The following TFPI variants were observed in gnomAD, a reference collection of about 807,000 sequenced individuals.
The protein encoded by TFPI is tissue factor pathway inhibitor.
TFPI carries 15 observed loss-of-function variants against 34.6 expected under a neutral mutation model. That is an observed-to-expected ratio of 0.43 (90% CI 0.29 to 0.67). The LOEUF is 0.67. TFPI is among the 30% of genes least tolerant of loss of function. The probability of loss-of-function intolerance (pLI) is 0.15; values close to 1 mark genes in which losing one functional copy is unlikely to be tolerated. For synonymous variants in TFPI, 105 were observed against 120.1 expected, an observed-to-expected ratio of 0.87 and a Z score of 0.82; for missense variants, 301 against 364.0, an observed-to-expected ratio of 0.83 and a Z score of 1.41.
chr2:187,510,627 A>G (rs754695306), intron 1 of TFPI, among the ~76,000 whole-genome samples: 8 of 152,162 alleles, frequency 5.3e-5, no homozygotes, highest in Non-Finnish European at 7.3e-5. Flanking sequence ...GTAGTTAAAG[A>G]TCGACCCCTG....
chr2:187,537,841 T>C (rs192293855), intron 1 of TFPI, among the ~76,000 whole-genome samples: 2 of 152,318 alleles, frequency 1.3e-5, no homozygotes, highest in East Asian at 3.9e-4. Context: ...TCTATCCATC[T>C]GACAAAGGGC....
intron 1 of TFPI, among the ~76,000 whole-genome samples, chr2:187,551,909 A>T (rs1689109354): frequency 6.6e-6 from 1 of 152,130 alleles, no homozygotes; most frequent in African/African-American, 2.4e-5. Flanking sequence ...ACAAAAAAGG[A>T]TGGCTGGTTG....
At chr2:187,501,863 T>C (rs1472282948) in intron 2 of TFPI, among the ~76,000 whole-genome samples, 1 of 152,166 alleles carries the variant, frequency 6.6e-6, no homozygotes, top group Non-Finnish European at 1.5e-5. Flanking sequence ...TTCTAGATTA[T>C]CCTCCCTGCT....
chr2:187,517,748 G>A (rs1687104760), intron 1 of TFPI: 2 of 152,156 alleles, frequency 1.3e-5, no homozygotes, highest in Non-Finnish European at 1.5e-5. Flanking sequence ...GGGTGTTTAA[G>A]TCTCCTACTA....
At chr2:187,496,715 C>A (rs1385911001) in intron 3 of TFPI, among the ~76,000 whole-genome samples, 166 bp downstream of exon 3, 2 of 151,834 alleles carry the variant, frequency 1.3e-5, no homozygotes, top group Non-Finnish European at 2.9e-5. Context: ...TATCATTTTC[C>A]TTAAATGTTT....
chr2:187,464,493 A>G lies in TFPI; in HGVS notation c.*2443T>C, dbSNP rs1339103895. The G allele has an allele frequency of 3.3e-5, 5 of 152,220 alleles. No individual in the cohort carries two copies. Among genetic ancestry groups the G allele is most frequent in the South Asian group, 2.1e-4 (1 of 4,834 alleles). The allele number at this position is 152,220 out of a possible 1,614,324, so 9.4% of individuals were successfully genotyped here. The stretch of plus-strand genomic sequence containing the variant: ...TCACATGCATTAAACATTTCAAGCC[A>G]TCTCAGTATATGTCTTTCTTGAGTA... On this transcript the variant is annotated 3_prime_UTR_variant, in exon 8 of 8. Coordinates refer to ENST00000233156, the MANE Select transcript of TFPI (RefSeq NM_006287.6).
chr2:187,466,837 A>G lies in TFPI; in HGVS notation c.*99T>C, dbSNP rs1691738690. On this transcript the variant is annotated 3_prime_UTR_variant, in exon 8 of 8. Transcript: ENST00000233156. ...AATAAGCATAGAAAATTTAATGAAC[A>G]TATTAATTAAAAGCATTTTAGAAGA... The G allele has an allele frequency of 1.5e-6, 1 of 652,394 alleles. No individual in the cohort carries two copies. Among genetic ancestry groups the G allele is most frequent in the Non-Finnish European group, 2.5e-6 (1 of 401,960 alleles). 40.4% of individuals were successfully genotyped at this position (652,394 alleles called of 1,614,324 possible).
chr2:187,469,693 C>A (rs1267955568), intron 6 of TFPI, among the ~76,000 whole-genome samples: 2 of 152,104 alleles, frequency 1.3e-5, no homozygotes, highest in African/African-American at 4.8e-5. Context: ...TACATTAGAT[C>A]TCTAGGCTTA....
chr2:187,478,976 A>G (rs1692603429), intron 6 of TFPI, among the ~76,000 whole-genome samples: 2 of 152,168 alleles, frequency 1.3e-5, no homozygotes, highest in Admixed American at 1.3e-4. Context: ...ATCTAATAGT[A>G]CAAGTATTGA....
At chr2:187,494,921 C>T (rs1029733129) in intron 3 of TFPI, among the ~76,000 whole-genome samples, 2 of 152,044 alleles carry the variant, frequency 1.3e-5, no homozygotes, top group African/African-American at 4.8e-5. Flanking sequence ...CGGAGTTTCA[C>T]CATATTGGTG....
intron 1 of TFPI, among the ~76,000 whole-genome samples, chr2:187,522,585 C>T (rs960989576): frequency 2.0e-4 from 30 of 151,566 alleles, no homozygotes; most frequent in Admixed American, 7.2e-4. Context: ...AAACAGAAAA[C>T]GAAAACAAAA....
Position 187,490,573 on chromosome 2 carries a change from C to A in TFPI, c.320-2198G>T, listed in dbSNP as rs575329238. Among the ~76,000 whole-genome samples, 6 of 151,580 alleles carry A rather than the reference C, an allele frequency of 4.0e-5. No homozygotes were observed. The South Asian group carries it at 1.2e-3, about 32-fold the overall frequency. On this transcript the variant is annotated intron_variant, in intron 3 of 7. Coordinates refer to ENST00000233156, the MANE Select transcript of TFPI (RefSeq NM_006287.6). ...TAGTGCTTACATATTATATCTTTTT[C>A]TATCCTTTCACTTTTAATCTCTCTG...
At chr2:187,543,966 T>G (rs1688717002) in intron 1 of TFPI, among the ~76,000 whole-genome samples, 1 of 152,138 alleles carries the variant, frequency 6.6e-6, no homozygotes, top group Admixed American at 6.5e-5. Context: ...ATGATGGAAA[T>G]AAAAATATAG....
chr2:187,492,995 T>G (rs8176476), intron 3 of TFPI, among the ~76,000 whole-genome samples: 5,390 of 152,024 alleles, frequency 0.035, 285 homozygotes, highest in African/African-American at 0.11. Context: ...TGGCCTGGAG[T>G]ATGGTGGCTT....
chr2:187,475,074 T>C (rs1006443076), intron 6 of TFPI, among the ~76,000 whole-genome samples: 3 of 152,180 alleles, frequency 2.0e-5, no homozygotes, highest in African/African-American at 7.2e-5. Flanking sequence ...GTCACCTATT[T>C]ATTTATCTTC....
At chr2:187,529,856 T>G (rs1687871539) in intron 1 of TFPI, among the ~76,000 whole-genome samples, 1 of 152,200 alleles carries the variant, frequency 6.6e-6, no homozygotes, top group Admixed American at 6.5e-5. Flanking sequence ...GATTCTCTGT[T>G]TCTTGCGGCA....
At chr2:187,476,199 G>A (rs111427526) in intron 6 of TFPI, among the ~76,000 whole-genome samples, 9 of 152,174 alleles carry the variant, frequency 5.9e-5, no homozygotes, top group African/African-American at 1.9e-4. Flanking sequence ...TCCATGTAAT[G>A]CACTGGTCAA....
At chr2:187,471,657 A>G (rs956012903) in intron 6 of TFPI, among the ~76,000 whole-genome samples, 2 of 148,620 alleles carry the variant, frequency 1.3e-5, no homozygotes, top group African/African-American at 5.0e-5. Flanking sequence ...TTCAGGGTAC[A>G]CTTTTTTTTT....
chr2:187,487,991 G>A (rs1456275316), intron 4 of TFPI, among the ~76,000 whole-genome samples: 1 of 151,188 alleles, frequency 6.6e-6, no homozygotes, highest in African/African-American at 2.4e-5. Context: ...GTGTGGCTCT[G>A]GACTATGATT....
Sources: allele counts gnomAD v4.1 joint callset (sites outside exome capture counted in the v4.1 genomes callset), GRCh38; gene constraint gnomAD v4.1.1; transcripts MANE v1.5; gene names NCBI Gene and HGNC (gene_info 2026-07-23, HGNC 2026-07-21).